OPCML: variants seen among roughly 807,000 people sequenced by gnomAD.
OPCML encodes opioid-binding protein/cell adhesion molecule.
Under a neutral mutation model 37.8 loss-of-function variants are expected in OPCML, and 13 were observed. The ratio of observed to expected loss-of-function variants is 0.34; its 90% CI spans 0.22 to 0.55. The LOEUF (loss-of-function observed/expected upper bound fraction) is 0.55. Among genes scored for constraint, OPCML ranks in the 20% least tolerant of loss-of-function variants. The probability of loss-of-function intolerance (pLI) is 0.91; values close to 1 mark genes in which losing one functional copy is unlikely to be tolerated. For missense variants in OPCML, 341 were observed against 435.6 expected, an observed-to-expected ratio of 0.78 and a Z score of 1.93; for synonymous variants, 176 against 168.8, an observed-to-expected ratio of 1.04 and a Z score of -0.33.
At chr11:132,653,808 A>G (rs80295218) in intron 3 of OPCML, among the ~76,000 whole-genome samples, 1,589 of 152,304 alleles carry the variant, frequency 0.01, 25 homozygotes, top group African/African-American at 0.034. Context: ...TTGGCAGAAG[A>G]AATGAGATAC....
intron 1 of OPCML, among the ~76,000 whole-genome samples, chr11:133,165,505 C>A (rs760144922): frequency 2.0e-5 from 3 of 152,176 alleles, no homozygotes; most frequent in Admixed American, 6.5e-5. Context: ...AACTCATTCC[C>A]TCTTTGTCTG....
chr11:132,834,104 T>C (rs1940870727), intron 2 of OPCML, among the ~76,000 whole-genome samples: 1 of 152,222 alleles, frequency 6.6e-6, no homozygotes, highest in Non-Finnish European at 1.5e-5. Flanking sequence ...TAGCTCCTTT[T>C]CTGAGAAGTT....
intron 2 of OPCML, among the ~76,000 whole-genome samples, chr11:132,864,358 C>T (rs1942438510): frequency 6.6e-6 from 1 of 152,174 alleles, no homozygotes; most frequent in South Asian, 2.1e-4. Flanking sequence ...AAGGGAAAAA[C>T]CCTACAGAGT....
intron 1 of OPCML, among the ~76,000 whole-genome samples, chr11:133,081,404 G>A (rs1213472121): frequency 6.6e-6 from 1 of 152,184 alleles, no homozygotes; most frequent in African/African-American, 2.4e-5. Context: ...ATGATTCTCT[G>A]CTTTCCCAAT....
chr11:132,695,046 GC>G (rs1448606095), intron 2 of OPCML, among the ~76,000 whole-genome samples: 3 of 152,224 alleles, frequency 2.0e-5, no homozygotes, highest in Non-Finnish European at 4.4e-5. Context: ...TTCAAACACA[GC>G]ATGTGCGTTT....
chr11:132,714,949 G>A (rs1038062073), intron 2 of OPCML, among the ~76,000 whole-genome samples: 6 of 152,156 alleles, frequency 3.9e-5, no homozygotes, highest in Non-Finnish European at 7.3e-5. Flanking sequence ...AAGGAAGGGA[G>A]GGCTCCAGGG....
intron 3 of OPCML, among the ~76,000 whole-genome samples, chr11:132,565,335 C>G (rs892966393): frequency 6.6e-6 from 1 of 152,146 alleles, no homozygotes; most frequent in African/African-American, 2.4e-5. Flanking sequence ...ACAGAAATTC[C>G]CACACCTGGA....
chr11:132,775,402 A>T (rs541491181), intron 2 of OPCML, among the ~76,000 whole-genome samples: 1 of 152,208 alleles, frequency 6.6e-6, no homozygotes, highest in South Asian at 2.1e-4. Context: ...ATGTGACCTG[A>T]TAGCTGATTG....
intron 2 of OPCML, among the ~76,000 whole-genome samples, chr11:132,761,359 C>G (rs1441974966): frequency 6.6e-6 from 1 of 150,566 alleles, no homozygotes; most frequent in Non-Finnish European, 1.5e-5. Context: ...GCCTGTCTTG[C>G]TAGGTTGGGG....
intron 1 of OPCML, among the ~76,000 whole-genome samples, chr11:133,236,974 T>C (rs1217758295): frequency 6.6e-6 from 1 of 152,248 alleles, no homozygotes; most frequent in Non-Finnish European, 1.5e-5. Context: ...GAGTGTACCC[T>C]TCCTGCAGGA....
At chr11:133,406,733 G>A (rs999982092) in intron 1 of OPCML, among the ~76,000 whole-genome samples, 2 of 152,204 alleles carry the variant, frequency 1.3e-5, no homozygotes, top group African/African-American at 4.8e-5. Context: ...TTTGGGTGCT[G>A]AATGCAATAA....
intron 2 of OPCML, among the ~76,000 whole-genome samples, chr11:132,743,559 A>C (rs137901427): frequency 6.6e-6 from 1 of 152,340 alleles, no homozygotes; most frequent in Admixed American, 6.5e-5. Flanking sequence ...AATACTTTTC[A>C]AAAAGAAATG....
intron 1 of OPCML, among the ~76,000 whole-genome samples, chr11:133,204,058 C>CAAAAAAAAAAAAA (rs58343203): frequency 1.1e-4 from 7 of 66,496 alleles, no homozygotes; most frequent in Non-Finnish European, 1.9e-4. Flanking sequence ...GACTCTGTCT[C>CAAAAAAAAAAAAA]AAAAAAAAAA....
At position 133,177,861 on chromosome 11, in the gene OPCML, G is replaced by A. The variant is rs1460170924; in HGVS notation, c.62-234851C>T. Among the ~76,000 whole-genome samples the A allele has an allele frequency of 6.6e-6, 1 of 152,156 alleles. No individual in the cohort carries two copies. The highest frequency in any genetic ancestry group is 1.9e-4 in the East Asian group (1 of 5,186). On this transcript the variant is annotated intron_variant, in intron 1 of 7. Transcript: ENST00000524381. This position sits in a 1 kb window ranked among gnomAD's most constrained non-coding sequence, Gnocchi z 5.0. ...TACTGCAGACTTTCATTTACTTCATGAGGAAGAAAGAGAGGAAAGGAGGCT... is the reference window on the plus strand; with the variant it reads ...TACTGCAGACTTTCATTTACTTCATAAGGAAGAAAGAGAGGAAAGGAGGCT...
At chr11:132,777,082 T>A (rs1014819117) in intron 2 of OPCML, among the ~76,000 whole-genome samples, 8 of 152,318 alleles carry the variant, frequency 5.3e-5, no homozygotes, top group Middle Eastern at 3.4e-3. Context: ...CTTCTCCAAC[T>A]AAATTATAAG....
chr11:133,374,835 C>T (rs1944762439), intron 1 of OPCML, among the ~76,000 whole-genome samples: 1 of 152,228 alleles, frequency 6.6e-6, no homozygotes, highest in African/African-American at 2.4e-5. Flanking sequence ...TGAGCTCTTT[C>T]TCCCACTGCC....
At chr11:133,483,755 T>C (rs1352752106) in intron 1 of OPCML, among the ~76,000 whole-genome samples, 1 of 143,048 alleles carries the variant, frequency 7.0e-6, no homozygotes, top group African/African-American at 2.8e-5. Context: ...CATAGATTCA[T>C]AGAGAGAAAA....
rs760838065 is a variant in OPCML at position 133,287,275 on chromosome 11, CT to C, written c.61+244988del. Among the ~76,000 whole-genome samples, 764 of 120,960 alleles carry C rather than the reference CT, an allele frequency of 6.3e-3. 5 individuals carry two copies. Among genetic ancestry groups the C allele is most frequent in the African/African-American group, 0.015 (475 of 32,726 alleles). The allele number at this position is 120,960 out of a possible 152,430, so 79.4% of individuals were successfully genotyped here. On this transcript the variant is annotated intron_variant, in intron 1 of 7. Transcript: ENST00000524381. Reference sequence around the variant, plus strand: ...TTTAATTCTTTTTCTTTCTTTCTTTCTTTTTTTTTTTTTTTTTTTAGAGATA... The same window carrying C: ...TTTAATTCTTTTTCTTTCTTTCTTTCTTTTTTTTTTTTTTTTTTAGAGATA...
chr11:132,634,477 A>G (rs1430161915), intron 3 of OPCML, among the ~76,000 whole-genome samples: 1 of 152,190 alleles, frequency 6.6e-6, no homozygotes, highest in Non-Finnish European at 1.5e-5. Flanking sequence ...GGGGGACTGA[A>G]ATGTAAATAT....
Sources: gnomAD v4.1 joint callset for allele counts (sites outside exome capture counted in the v4.1 genomes callset) on GRCh38, gnomAD v4.1.1 for gene constraint, Gnocchi (gnomAD v3.1) non-coding constraint, MANE v1.5 for transcripts, NCBI Gene and HGNC (gene_info 2026-07-23, HGNC 2026-07-21) for gene names.